VGLL4: variants seen among roughly 807,000 people sequenced by gnomAD.
VGLL4 encodes transcription cofactor vestigial-like protein 4.
In VGLL4, 7 loss-of-function variants were observed where a neutral mutation model predicts 21.0. The ratio of observed to expected loss-of-function variants is 0.33; its 90% confidence interval spans 0.19 to 0.63. The LOEUF (loss-of-function observed/expected upper bound fraction) is 0.63. Among genes scored for constraint, VGLL4 ranks in the 20% least tolerant of loss-of-function variants. The pLI, the probability that VGLL4 is intolerant of heterozygous loss-of-function variation, is 0.78. For synonymous variants in VGLL4, 222 were observed against 173.2 expected, an observed-to-expected ratio of 1.28 and a Z score of -2.21; for missense variants, 394 against 425.7, an observed-to-expected ratio of 0.93 and a Z score of 0.66.
At chr3:11,574,795 G>A (rs1178849782) in intron 2 of VGLL4, among the ~76,000 whole-genome samples, 5 of 119,964 alleles carry the variant, frequency 4.2e-5, no homozygotes, top group East Asian at 4.1e-4. Context: ...ATGTGTGTGT[G>A]TGTGTGTGTG....
At chr3:11,692,281 T>A (rs1028788823) in intron 2 of VGLL4, among the ~76,000 whole-genome samples, 3 of 152,180 alleles carry the variant, frequency 2.0e-5, no homozygotes, top group African/African-American at 7.2e-5. Context: ...TGATCTGATA[T>A]AAAACTATAA....
chr3:11,564,468 T>C (rs2073338418), intron 3 of VGLL4, among the ~76,000 whole-genome samples: 1 of 151,952 alleles, frequency 6.6e-6, no homozygotes, highest in African/African-American at 2.4e-5. Flanking sequence ...AGAAGACTGC[T>C]GGAGGAAACA....
At position 11,717,991 on chromosome 3, in the gene VGLL4, G is replaced by C. The variant is rs527726837; in HGVS notation, c.-14+2403C>G. Among the ~76,000 whole-genome samples, 19 of 152,222 alleles carry C rather than the reference G, an allele frequency of 1.2e-4. No individual in the cohort carries two copies. The East Asian group carries it at 3.7e-3, about 29-fold the overall frequency. ...TCTCCAGAAATAATAACCCAGAGCT[G>C]TTTTTACTACAACATTCACAGTTTT... On this transcript the variant is annotated intron_variant, in intron 1 of 5. Transcript: ENST00000273038.
intron 2 of VGLL4, among the ~76,000 whole-genome samples, chr3:11,654,081 C>A (rs913235722): frequency 6.8e-6 from 1 of 147,900 alleles, no homozygotes; most frequent in Non-Finnish European, 1.5e-5. Flanking sequence ...GCATAGGACA[C>A]CCCCCACCAC....
chr3:11,624,458 C>A (rs1407164986), intron 1 of VGLL4, among the ~76,000 whole-genome samples: 2 of 152,100 alleles, frequency 1.3e-5, no homozygotes, highest in African/African-American at 4.8e-5. Context: ...AGCACTAACA[C>A]GTGAAACAGC....
chr3:11,625,758 G>A (rs1386847624), intron 1 of VGLL4, among the ~76,000 whole-genome samples: 2 of 151,400 alleles, frequency 1.3e-5, no homozygotes, highest in Non-Finnish European at 2.9e-5. Flanking sequence ...AGCCATACAA[G>A]GAACTACTAC....
intron 2 of VGLL4, among the ~76,000 whole-genome samples, chr3:11,682,953 C>T (rs1020174870): frequency 2.0e-5 from 3 of 151,984 alleles, no homozygotes; most frequent in East Asian, 3.9e-4. Flanking sequence ...AGAGGCCAGG[C>T]GCGGTGGTTC....
At chr3:11,720,109 A>C (rs1011751480) in intron 1 of VGLL4, among the ~76,000 whole-genome samples, 1 of 151,992 alleles carries the variant, frequency 6.6e-6, no homozygotes, top group African/African-American at 2.4e-5. Flanking sequence ...CGACGTTCAC[A>C]GTCCAACCAG....
intron 2 of VGLL4, among the ~76,000 whole-genome samples, chr3:11,655,904 C>A (rs2075950283): frequency 6.6e-6 from 1 of 152,172 alleles, no homozygotes; most frequent in Non-Finnish European, 1.5e-5. Flanking sequence ...TCCCCAGCAC[C>A]TAACACAAAG....
rs1016786132 is a variant in VGLL4 at position 11,568,890 on chromosome 3, C to T, written c.273-3871G>A. The T allele has an allele frequency of 1.6e-5, 21 of 1,319,858 alleles. No individual in the cohort carries two copies. The highest frequency in any genetic ancestry group is 3.5e-5 in the Admixed American group (1 of 28,548). 81.8% of individuals were successfully genotyped at this position (1,319,858 alleles called of 1,614,324 possible). On this transcript the variant is annotated intron_variant, in intron 2 of 4. Coordinates refer to ENST00000430365, the MANE Select transcript of VGLL4 (RefSeq NM_001128219.3). The surrounding 1 kb of genome is among the most constrained non-coding windows in gnomAD (Gnocchi z 5.9). ...GCTGAGGCTGCACGGCACCCGGCCC[C>T]GCCCCGGGCCTCATCCCCATCCTAG...
chr3:11,671,496 C>T, intron 2 of VGLL4: 1 of 649,416 alleles, frequency 1.5e-6, no homozygotes, highest in Admixed American at 2.3e-5. Flanking sequence ...AAAATCCATG[C>T]ATACTCAAGT....
intron 1 of VGLL4, among the ~76,000 whole-genome samples, chr3:11,713,568 TTATATATATATA>T (rs10690353): frequency 7.1e-6 from 1 of 140,294 alleles, no homozygotes; most frequent in African/African-American, 2.7e-5. Flanking sequence ...TATATATTAT[TTATATATATATA>T]TATATATATA....
intron 1 of VGLL4, among the ~76,000 whole-genome samples, chr3:11,616,480 A>G (rs1381622873): frequency 6.6e-6 from 1 of 152,238 alleles, no homozygotes; most frequent in Non-Finnish European, 1.5e-5. Context: ...AGCAGGCTCC[A>G]GGGATAAGCC....
chr3:11,689,999 T>G (rs1368204601), intron 2 of VGLL4, among the ~76,000 whole-genome samples: 1 of 152,172 alleles, frequency 6.6e-6, no homozygotes, highest in Non-Finnish European at 1.5e-5. Context: ...GGCTTCTCTC[T>G]CAGGCCCCAA....
At chr3:11,620,060 T>C (rs747092474) in intron 1 of VGLL4, among the ~76,000 whole-genome samples, 1 of 151,910 alleles carries the variant, frequency 6.6e-6, no homozygotes, top group Non-Finnish European at 1.5e-5. Context: ...CCCGGCAAAT[T>C]AGTAATCAGG....
chr3:11,679,800 TA>T (rs1196588737), intron 2 of VGLL4, among the ~76,000 whole-genome samples: 2 of 152,208 alleles, frequency 1.3e-5, no homozygotes, highest in Non-Finnish European at 2.9e-5. Context: ...AAAGTTTTTT[TA>T]AAAAAAGTTT....
At chr3:11,567,318 C>T (rs1575382941) in intron 2 of VGLL4, among the ~76,000 whole-genome samples, 1 of 152,132 alleles carries the variant, frequency 6.6e-6, no homozygotes, top group Admixed American at 6.5e-5. Flanking sequence ...CCTGTCAGCC[C>T]TAAACCGAGT....
chr3:11,589,422 C>A (rs1021951378), intron 2 of VGLL4, among the ~76,000 whole-genome samples: 1 of 152,108 alleles, frequency 6.6e-6, no homozygotes, highest in Non-Finnish European at 1.5e-5. Flanking sequence ...CCCCAAGTCA[C>A]GGAATTAAAC....
intron 1 of VGLL4, among the ~76,000 whole-genome samples, chr3:11,627,742 T>A (rs937229112): frequency 4.6e-5 from 7 of 152,178 alleles, no homozygotes; most frequent in Non-Finnish European, 1.0e-4. Context: ...CACATTTACA[T>A]TAAAGACAAT....
Sources: gnomAD v4.1 joint callset for allele counts (sites outside exome capture counted in the v4.1 genomes callset) on GRCh38, gnomAD v4.1.1 for gene constraint, Gnocchi (gnomAD v3.1) non-coding constraint, MANE v1.5 for transcripts, NCBI Gene and HGNC (gene_info 2026-07-23, HGNC 2026-07-21) for gene names.